The following DCDC1 variants were observed in gnomAD, a reference collection of about 807,000 sequenced individuals.
The protein encoded by DCDC1 is doublecortin domain-containing protein 1.
DCDC1 carries 200 observed loss-of-function variants against 178.3 expected under a neutral mutation model. That is an observed-to-expected ratio of 1.12 (90% CI 1.00 to 1.26). The LOEUF is 1.26. Ranked by LOEUF, DCDC1 falls within the 50% of genes most tolerant of loss-of-function variation. The pLI is 0.00. For synonymous variants in DCDC1, 690 were observed against 604.8 expected (o/e 1.14, Z -2.07); for missense variants, 1,983 against 1,749.2 (o/e 1.13, Z -2.38).
chr11:31,315,437 C>T (rs1394342152), intron 3 of DCDC1, among the ~76,000 whole-genome samples: 11 of 148,990 alleles, frequency 7.4e-5, no homozygotes, highest in African/African-American at 2.2e-4. Context: ...CCCAGGTTCA[C>T]GCCATCCTCC....
chr11:31,197,114 C>G (rs1323613415), intron 9 of DCDC1, among the ~76,000 whole-genome samples: 3 of 151,946 alleles, frequency 2.0e-5, no homozygotes, highest in African/African-American at 7.3e-5. Flanking sequence ...TTTTATGTCA[C>G]AGGGTGCAAT....
chr11:31,196,827 G>A (rs1322498655), intron 9 of DCDC1, among the ~76,000 whole-genome samples: 1 of 152,040 alleles, frequency 6.6e-6, no homozygotes, highest in Non-Finnish European at 1.5e-5. Flanking sequence ...AAGGGATATG[G>A]TTGAAAGTTC....
chr11:30,993,634 GATCA>G (rs1297324514), intron 20 of DCDC1, among the ~76,000 whole-genome samples: 5 of 151,968 alleles, frequency 3.3e-5, no homozygotes, highest in Admixed American at 6.6e-5. Flanking sequence ...GACATCACTA[GATCA>G]ATCGCATACA....
At chr11:30,916,374 G>A (rs1435874053) in intron 26 of DCDC1, among the ~76,000 whole-genome samples, 1 of 152,160 alleles carries the variant, frequency 6.6e-6, no homozygotes, top group Non-Finnish European at 1.5e-5. Context: ...TAATTCATGT[G>A]TTCCAGTGAC....
At chr11:31,086,188 TA>T (rs1361238120) in intron 17 of DCDC1, among the ~76,000 whole-genome samples, 1 of 152,214 alleles carries the variant, frequency 6.6e-6, no homozygotes, top group Non-Finnish European at 1.5e-5. Context: ...CCAAAGTAAC[TA>T]AACCACTTTA....
intron 7 of DCDC1, among the ~76,000 whole-genome samples, chr11:31,286,587 A>G (rs559668891): frequency 1.3e-5 from 2 of 152,042 alleles, no homozygotes; most frequent in African/African-American, 4.8e-5. Context: ...AGAACCAGAA[A>G]GGTGGGAAGA....
intron 25 of DCDC1, among the ~76,000 whole-genome samples, chr11:30,918,928 T>TA (rs1208981027): frequency 6.6e-6 from 1 of 152,132 alleles, no homozygotes; most frequent in African/African-American, 2.4e-5. Context: ...ACCTTTATGA[T>TA]AAAAAAGCAA....
At chr11:31,356,161 A>G (rs1331649032) in intron 1 of DCDC1, among the ~76,000 whole-genome samples, 1 of 152,160 alleles carries the variant, frequency 6.6e-6, no homozygotes, top group Non-Finnish European at 1.5e-5. Flanking sequence ...AACAACAACA[A>G]CAAAAAAAGA....
intron 17 of DCDC1, among the ~76,000 whole-genome samples, chr11:31,088,555 A>T (rs1326344153): frequency 6.6e-6 from 1 of 152,196 alleles, no homozygotes; most frequent in East Asian, 1.9e-4. Context: ...CAAATGGTAT[A>T]AAAAAATCTT....
At chr11:30,928,513 A>G (rs529035842) in intron 22 of DCDC1, among the ~76,000 whole-genome samples, 1 of 33,154 alleles carries the variant, frequency 3.0e-5, no homozygotes, top group South Asian at 1.1e-3. Flanking sequence ...ATTGTGAAAT[A>G]TGTTTTTTAA....
At chr11:31,347,423 T>C (rs928801865) in intron 1 of DCDC1, among the ~76,000 whole-genome samples, 1 of 152,158 alleles carries the variant, frequency 6.6e-6, no homozygotes, top group Non-Finnish European at 1.5e-5. Flanking sequence ...AAGTAGAGCA[T>C]ACTGTCAAGT....
chr11:31,005,952 GAAAAAAAA>G (rs35225668), intron 20 of DCDC1, among the ~76,000 whole-genome samples: 14 of 47,812 alleles, frequency 2.9e-4, no homozygotes, highest in East Asian at 2.1e-3. Context: ...TCTTATTCCT[GAAAAAAAA>G]AAAAAAAAAA....
Position 31,076,335 on chromosome 11 carries a change from C to CTTAAT in DCDC1, c.2298+1525_2298+1529dup, listed in dbSNP as rs972710106. Among the ~76,000 whole-genome samples the CTTAAT allele has an allele frequency of 7.9e-5, 12 of 151,626 alleles. No individual in the cohort carries two copies. The South Asian group carries it at 1.9e-3, about 24-fold the overall frequency. On this transcript the variant is annotated intron_variant, in intron 18 of 38. Coordinates refer to ENST00000684477, the MANE Select transcript of DCDC1 (RefSeq NM_001387274.1). ...ATTTTATTTCCAGTTGTTCTGTTTA[C>CTTAAT]TTAATTTAATTTAATTTAATTTTTA...
intron 20 of DCDC1, among the ~76,000 whole-genome samples, chr11:30,958,673 T>C (rs1948906939): frequency 6.6e-6 from 1 of 152,090 alleles, no homozygotes; most frequent in African/African-American, 2.4e-5. Flanking sequence ...AAACCAATGG[T>C]AGAGGGAGGA....
At chr11:31,021,154 T>C (rs920111215) in intron 20 of DCDC1, among the ~76,000 whole-genome samples, 2 of 152,234 alleles carry the variant, frequency 1.3e-5, no homozygotes, top group Non-Finnish European at 2.9e-5. Flanking sequence ...GCACCAACTC[T>C]TTGGAAAACA....
chr11:31,312,883 T>C (rs1161473652), intron 3 of DCDC1: 1 of 151,960 alleles, frequency 6.6e-6, no homozygotes, highest in East Asian at 1.9e-4. Context: ...AGGCTGGACA[T>C]GGGTGGCTTA....
chr11:31,233,278 T>C (rs1976042894), intron 9 of DCDC1, among the ~76,000 whole-genome samples: 2 of 152,176 alleles, frequency 1.3e-5, no homozygotes, highest in South Asian at 4.1e-4. Flanking sequence ...AGAATCTGTA[T>C]CACATATTTT....
At chr11:31,009,438 TTGTGTGTGTGTGTG>T (rs139389381) in intron 20 of DCDC1, among the ~76,000 whole-genome samples, 7 of 144,518 alleles carry the variant, frequency 4.8e-5, no homozygotes, top group South Asian at 4.6e-4. Context: ...CACAGTTTCT[TTGTGTGTGTGTGTG>T]TGTGTGTGTG....
chr11:31,359,548 A>C (rs1951595406), intron 1 of DCDC1, among the ~76,000 whole-genome samples: 1 of 152,166 alleles, frequency 6.6e-6, no homozygotes, highest in Admixed American at 6.5e-5. Context: ...ACTAACCTGC[A>C]CATTGTGCAC....
Sources: gnomAD v4.1 joint callset for allele counts (sites outside exome capture counted in the v4.1 genomes callset) on GRCh38, gnomAD v4.1.1 for gene constraint, MANE v1.5 for transcripts, NCBI Gene and HGNC (gene_info 2026-07-23, HGNC 2026-07-21) for gene names.